WDR37: variants seen among roughly 807,000 people sequenced by gnomAD.
The protein encoded by WDR37 is WD repeat-containing protein 37.
A neutral mutation model predicts 62.9 loss-of-function variants in WDR37; 19 were observed. The observed-to-expected ratio is 0.30, with a 90% CI of 0.21 to 0.44. WDR37 has a LOEUF of 0.44. Ranked by LOEUF, WDR37 falls within the 20% of genes least tolerant of loss-of-function variation. The pLI is 1.00. For synonymous variants in WDR37, 250 were observed against 260.9 expected (o/e 0.96, Z 0.40); for missense variants, 474 against 657.6 (o/e 0.72, Z 3.05).
At chr10:1,099,401 T>C (rs1834714794) in intron 9 of WDR37, among the ~76,000 whole-genome samples, 1 of 152,236 alleles carries the variant, frequency 6.6e-6, no homozygotes, top group Admixed American at 6.5e-5. Context: ...ATGAAAGTAA[T>C]CTAGTTTTGA....
In WDR37 at chr10:1,074,358, G is replaced by A. The variant is rs1018685299; in HGVS notation, c.138+2065G>A. ...GCAGAGGCGGTGACTGCATCTCATGGTAACCCTCACGAAGGTAGCTCAGAG... is the reference window on the plus strand; with the variant it reads ...GCAGAGGCGGTGACTGCATCTCATGATAACCCTCACGAAGGTAGCTCAGAG... On this transcript the variant is annotated intron_variant, in intron 2 of 13. Transcript: ENST00000263150. The A allele has an allele frequency of 7.1e-6, 9 of 1,262,434 alleles. No homozygotes were observed. The Admixed American group carries it at 1.5e-4, about 21-fold the overall frequency. The allele number at this position is 1,262,434 out of a possible 1,614,324, so 78.2% of individuals were successfully genotyped here. A position where few individuals can be genotyped will look rare whatever the true frequency, so the allele number is the denominator to read the frequency against.
chr10:1,120,575 C>G (rs1187145331), intron 11 of WDR37, among the ~76,000 whole-genome samples: 2 of 152,172 alleles, frequency 1.3e-5, no homozygotes, highest in Non-Finnish European at 2.9e-5. Context: ...TTTCAAAGAT[C>G]TGTTCTCGGT....
chr10:1,121,515 C>G lies in WDR37; in HGVS notation c.1104-2703C>G, dbSNP rs1308640099. Among the ~76,000 whole-genome samples, 1 of 152,192 alleles carries G rather than the reference C, an allele frequency of 6.6e-6. No individual in the cohort carries two copies. Among genetic ancestry groups the G allele is most frequent in the Non-Finnish European group, 1.5e-5 (1 of 68,044 alleles). The stretch of plus-strand genomic sequence containing the variant: ...GGAGTTACTGGGTTGATTTTGCAGT[C>G]TCTCTCCTCTGCCCATGCTGCTCTC... On this transcript the variant is annotated intron_variant, in intron 11 of 13. Transcript: ENST00000263150. The surrounding 1 kb of genome is among the most constrained non-coding windows in gnomAD (Gnocchi z 4.5).
At chr10:1,092,174 C>T (rs1382837162) in intron 7 of WDR37, among the ~76,000 whole-genome samples, 6 of 110,624 alleles carry the variant, frequency 5.4e-5, no homozygotes, top group South Asian at 3.2e-4. Flanking sequence ...AGCGAGACTC[C>T]GTCTCAAAAA....
At chr10:1,075,758 C>T (rs1036289590) in intron 2 of WDR37, among the ~76,000 whole-genome samples, 3 of 149,732 alleles carry the variant, frequency 2.0e-5, no homozygotes, top group African/African-American at 7.4e-5. Flanking sequence ...TCAGCACAAG[C>T]TTATGTTTCA....
At chr10:1,060,116 G>A (rs188925686) in intron 1 of WDR37, among the ~76,000 whole-genome samples, 98 of 152,324 alleles carry the variant, frequency 6.4e-4, no homozygotes, top group Non-Finnish European at 1.4e-3. Context: ...TGGGATTACG[G>A]GCATGAGCCA....
At position 1,129,999 on chromosome 10, in the gene WDR37, C is replaced by T. The variant is rs12359210; in HGVS notation, c.*655C>T. On this transcript the variant is annotated 3_prime_UTR_variant, in exon 14 of 14. Coordinates refer to ENST00000263150, the MANE Select transcript of WDR37 (RefSeq NM_014023.4). ...TTTATAGAAAATCATTTCAGTCTCC[C>T]GAGGTCTCATGCTAGCAAATTTTGA... 0.4 allele frequency: 61,408 copies of T among 152,478 alleles called. 13,432 individuals are homozygous for T. Among genetic ancestry groups the T allele is most frequent in the South Asian group, 0.59 (2,843 of 4,826 alleles). 9.4% of individuals were successfully genotyped at this position (152,478 alleles called of 1,614,324 possible). A position where few individuals can be genotyped will look rare whatever the true frequency, so the allele number is the denominator to read the frequency against.
chr10:1,068,355 C>CCTGTAGTCCCAGCCTCTCGGGAGG (rs755345670), intron 1 of WDR37, among the ~76,000 whole-genome samples: 1 of 115,412 alleles, frequency 8.7e-6, no homozygotes, highest in Non-Finnish European at 1.8e-5. Context: ...GTGGCGGGCG[C>CCTGTAGTCCCAGCCTCTCGGGAGG]CTGAGGCAGG....
At chr10:1,063,206 T>C (rs1477031124) in intron 1 of WDR37, among the ~76,000 whole-genome samples, 1 of 152,130 alleles carries the variant, frequency 6.6e-6, no homozygotes. Context: ...ATGTATCTCA[T>C]ATGTTGTGCT....
At chr10:1,101,745 G>T (rs894657236) in intron 9 of WDR37, among the ~76,000 whole-genome samples, 1 of 152,086 alleles carries the variant, frequency 6.6e-6, no homozygotes, top group East Asian at 1.9e-4. Context: ...CGCACATGGC[G>T]GGAATGTTGT....
intron 11 of WDR37, among the ~76,000 whole-genome samples, chr10:1,108,799 G>C (rs1186549133): frequency 7.2e-6 from 1 of 139,322 alleles, no homozygotes; most frequent in East Asian, 2.2e-4. Flanking sequence ...ACAGCTCCCT[G>C]CCCCAGGCTG....
intron 1 of WDR37, among the ~76,000 whole-genome samples, chr10:1,071,866 T>A (rs920802120): frequency 4.6e-5 from 7 of 152,252 alleles, no homozygotes; most frequent in Admixed American, 6.5e-5. Context: ...ATTTTTTTTT[T>A]AAATTTTAAA....
Position 1,103,193 on chromosome 10 carries a change from T to C in WDR37, c.727-409T>C, listed in dbSNP as rs1310957085. 6.6e-6 allele frequency among the ~76,000 whole-genome samples: 1 copy of C among 152,256 alleles called. No homozygotes were observed. Among genetic ancestry groups the C allele is most frequent in the Non-Finnish European group, 1.5e-5 (1 of 68,042 alleles). On this transcript the variant is annotated intron_variant, in intron 9 of 13. Transcript: ENST00000263150. This position sits in a 1 kb window ranked among gnomAD's most constrained non-coding sequence, Gnocchi z 6.3. ...TATATTTTAAATAGGCTCTTGAGAA[T>C]GAAAATGCCTTTTTGTAATGTGATA...
chr10:1,060,012 G>T (rs1441412288), intron 1 of WDR37, among the ~76,000 whole-genome samples: 1 of 152,058 alleles, frequency 6.6e-6, no homozygotes, highest in African/African-American at 2.4e-5. Flanking sequence ...GCTGATTTTT[G>T]TATTTTAGTA....
intron 7 of WDR37, among the ~76,000 whole-genome samples, chr10:1,090,863 G>A (rs1408687049): frequency 6.6e-6 from 1 of 152,220 alleles, no homozygotes; most frequent in East Asian, 1.9e-4. Flanking sequence ...CGTGGCCACT[G>A]TGGATTGGGT....
chr10:1,077,877 A>C (rs367838222), intron 2 of WDR37, 30 bp from the exon 3 acceptor site: 13 of 1,535,696 alleles, frequency 8.5e-6, no homozygotes. Flanking sequence ...TCATTCATTC[A>C]TTCATTTTAA....
chr10:1,075,261 CCAT>C, intron 2 of WDR37, among the ~76,000 whole-genome samples: 1 of 149,308 alleles, frequency 6.7e-6, no homozygotes, highest in Non-Finnish European at 1.5e-5. Context: ...GCTTTCTTTT[CCAT>C]AGCAATTCCT....
chr10:1,090,798 C>T (rs1834359066), intron 7 of WDR37, among the ~76,000 whole-genome samples: 1 of 152,166 alleles, frequency 6.6e-6, no homozygotes, highest in East Asian at 1.9e-4. Context: ...GGAGCCAGTG[C>T]CTTTGACACT....
intron 8 of WDR37, among the ~76,000 whole-genome samples, chr10:1,095,410 T>A (rs1272891113): frequency 6.6e-6 from 1 of 151,432 alleles, no homozygotes; most frequent in East Asian, 1.9e-4. Context: ...AAACGTGAGG[T>A]AACGGGCATG....
Sources: gnomAD v4.1 joint callset for allele counts (sites outside exome capture counted in the v4.1 genomes callset) on GRCh38, gnomAD v4.1.1 for gene constraint, Gnocchi (gnomAD v3.1) non-coding constraint, MANE v1.5 for transcripts, NCBI Gene and HGNC (gene_info 2026-07-23, HGNC 2026-07-21) for gene names.